Variants in PRMT3 observed in about 807,000 individuals in gnomAD.
PRMT3 encodes protein arginine methyltransferase 3.
Under a neutral mutation model 71.9 loss-of-function variants are expected in PRMT3, and 62 were observed. The ratio of observed to expected loss-of-function variants is 0.86; its 90% CI spans 0.70 to 1.07. The LOEUF (loss-of-function observed/expected upper bound fraction) is 1.07. PRMT3 is among the 50% of genes least tolerant of loss of function. The pLI, the probability that PRMT3 is intolerant of heterozygous loss-of-function variation, is 0.00. For missense variants in PRMT3, 663 were observed against 643.0 expected (o/e 1.03, Z -0.34); for synonymous variants, 213 against 220.4 (o/e 0.97, Z 0.30).
chr11:20,508,338 G>A lies in PRMT3; in HGVS notation c.1521G>A (p.Lys507=), dbSNP rs1356519924. ...EALKGKVTVH[K]NKKDPRSLTV... ...TGAAAGGAAAGGTCACAGTTCACAA[G>A]AATAAGAAAGATCCACGTTCTCTCA... The change falls in exon 16 of 16, where the codon AAG becomes AAA. Residue 507 remains lysine, a synonymous_variant. Transcript: ENST00000331079. 2 of 1,611,570 alleles carry A rather than the reference G, an allele frequency of 1.2e-6. No individual in the cohort carries two copies. The highest frequency in any genetic ancestry group is 8.5e-7 in the Non-Finnish European group (1 of 1,177,816).
chr11:20,495,904 G>A (rs1233493134), intron 15 of PRMT3, among the ~76,000 whole-genome samples: 2 of 152,154 alleles, frequency 1.3e-5, no homozygotes, highest in South Asian at 2.1e-4. Flanking sequence ...TCCATCAATT[G>A]GGGGAAGAAA....
intron 13 of PRMT3, among the ~76,000 whole-genome samples, chr11:20,470,217 C>T (rs550114339): frequency 3.2e-4 from 48 of 152,252 alleles, no homozygotes; most frequent in African/African-American, 1.0e-3. Context: ...AGAAAAGGTA[C>T]AGTAAAAATA....
rs575221791 is a variant in PRMT3 at position 20,508,911 on chromosome 11, A to C, written c.*498A>C. On this transcript the variant is annotated 3_prime_UTR_variant, in exon 16 of 16. Transcript: ENST00000331079. ...AATAAAGATTTGTATAAAAAAACTA[A>C]AATATGGAAAAGAGCTTCAGCCTTC... The C allele has an allele frequency of 1.0e-5, 2 of 190,914 alleles. No individual in the cohort carries two copies. Among genetic ancestry groups the C allele is most frequent in the Non-Finnish European group, 2.2e-5 (2 of 89,730 alleles). 11.8% of individuals were successfully genotyped at this position (190,914 alleles called of 1,614,324 possible).
At chr11:20,427,786 A>G (rs1849579388) in intron 10 of PRMT3, among the ~76,000 whole-genome samples, 1 of 152,220 alleles carries the variant, frequency 6.6e-6, no homozygotes, top group Non-Finnish European at 1.5e-5. Context: ...TGACAGAAAT[A>G]AACTGGATAG....
At chr11:20,416,591 C>A (rs1020664971) in intron 9 of PRMT3, among the ~76,000 whole-genome samples, 12 of 152,132 alleles carry the variant, frequency 7.9e-5, no homozygotes, top group Non-Finnish European at 1.3e-4. Context: ...CCAGGTAAAT[C>A]ATTGTCACCA....
intron 13 of PRMT3, among the ~76,000 whole-genome samples, chr11:20,492,452 C>A (rs1056022147): frequency 9.2e-5 from 14 of 152,112 alleles, no homozygotes; most frequent in African/African-American, 3.4e-4. Context: ...TTGATTCTCT[C>A]TTGGTATCTA....
intron 9 of PRMT3, among the ~76,000 whole-genome samples, chr11:20,425,624 C>T (rs1168999457): frequency 6.6e-6 from 1 of 152,124 alleles, no homozygotes; most frequent in Non-Finnish European, 1.5e-5. Context: ...AAAAAAGCAT[C>T]ATGCTTATTG....
At chr11:20,499,716 T>C (rs942181129) in intron 15 of PRMT3, among the ~76,000 whole-genome samples, 1 of 152,102 alleles carries the variant, frequency 6.6e-6, no homozygotes, top group Non-Finnish European at 1.5e-5. Context: ...GATGATAGAC[T>C]TAAATTCACG....
chr11:20,505,832 C>G (rs1178815833), intron 15 of PRMT3, among the ~76,000 whole-genome samples: 1 of 148,356 alleles, frequency 6.7e-6, no homozygotes, highest in Admixed American at 6.8e-5. Flanking sequence ...ACTTACATAT[C>G]AATTGTGTTT....
At chr11:20,402,183 A>G (rs1848962836) in intron 7 of PRMT3, among the ~76,000 whole-genome samples, 1 of 151,724 alleles carries the variant, frequency 6.6e-6, no homozygotes, top group Non-Finnish European at 1.5e-5. Context: ...GCAATGGTGC[A>G]ATCTCAGCTC....
chr11:20,459,395 A>AC (rs995216072), intron 11 of PRMT3, among the ~76,000 whole-genome samples: 2 of 151,438 alleles, frequency 1.3e-5, no homozygotes, highest in African/African-American at 2.4e-5. Flanking sequence ...CCTGATAATA[A>AC]CCCCCCTCCA....
chr11:20,412,898 G>A (rs968362261), intron 9 of PRMT3, among the ~76,000 whole-genome samples: 1 of 152,080 alleles, frequency 6.6e-6, no homozygotes, highest in Non-Finnish European at 1.5e-5. Context: ...CTGCTAGTGT[G>A]CTAGGATTGA....
intron 9 of PRMT3, among the ~76,000 whole-genome samples, chr11:20,418,225 C>G (rs1849351467): frequency 6.6e-6 from 1 of 152,090 alleles, no homozygotes; most frequent in Non-Finnish European, 1.5e-5. Flanking sequence ...TAGAATCATG[C>G]TAGTTTTTCA....
intron 13 of PRMT3, 135 bp downstream of exon 13, chr11:20,464,681 G>A (rs780215260): frequency 1.0e-5 from 14 of 1,379,784 alleles, no homozygotes; most frequent in Non-Finnish European, 1.3e-5. Context: ...CCTTTGCTAG[G>A]CCATTGAACA....
Position 20,390,224 on chromosome 11 carries a change from A to G in PRMT3, c.247+398A>G, listed in dbSNP as rs79121590. Among the ~76,000 whole-genome samples, 157 of 152,268 alleles carry G rather than the reference A, an allele frequency of 1.0e-3. 1 individual carries two copies. The East Asian group carries it at 0.019, about 19-fold the overall frequency. On this transcript the variant is annotated intron_variant, in intron 3 of 15. Transcript: ENST00000331079. ...AGACCCTTTTCTGTACGAGTTTAAT[A>G]TGGCGAATCACACAGCAACATCTTG...
intron 14 of PRMT3, 23 bp downstream of exon 14, chr11:20,493,992 T>A: frequency 6.5e-7 from 1 of 1,532,362 alleles, no homozygotes; most frequent in African/African-American, 1.4e-5. Context: ...AATTATCTCA[T>A]AAGAATTAAT....
chr11:20,452,966 C>G (rs549234828), intron 11 of PRMT3, among the ~76,000 whole-genome samples: 1 of 152,260 alleles, frequency 6.6e-6, no homozygotes, highest in South Asian at 2.1e-4. Flanking sequence ...ATCATTAAAA[C>G]TGAATTGAAT....
intron 10 of PRMT3, among the ~76,000 whole-genome samples, chr11:20,433,712 C>G (rs978257531): frequency 5.3e-5 from 8 of 152,088 alleles, no homozygotes; most frequent in Non-Finnish European, 8.8e-5. Flanking sequence ...CCTCCACCCC[C>G]CAGGTTCAAG....
intron 6 of PRMT3, among the ~76,000 whole-genome samples, chr11:20,396,651 G>T (rs188689305): frequency 6.6e-6 from 1 of 152,080 alleles, no homozygotes; most frequent in South Asian, 2.1e-4. Context: ...GGGGTCGGTG[G>T]GGGGGAATCA....
Sources: allele counts gnomAD v4.1 joint callset (sites outside exome capture counted in the v4.1 genomes callset), GRCh38; gene constraint gnomAD v4.1.1; transcripts MANE v1.5; gene names NCBI Gene and HGNC (gene_info 2026-07-23, HGNC 2026-07-21).